SSH2: variants seen among roughly 807,000 people sequenced by gnomAD.
SSH2 encodes slingshot protein phosphatase 2, also known as protein phosphatase Slingshot homolog 2.
SSH2 carries 37 observed loss-of-function variants against 135.2 expected under a neutral mutation model. The ratio of observed to expected loss-of-function variants is 0.27; its 90% CI spans 0.21 to 0.36. SSH2 has a LOEUF of 0.36. SSH2 is among the 10% of genes least tolerant of loss of function. SSH2 has a pLI of 1.00. For synonymous variants in SSH2, 628 were observed against 646.2 expected (o/e 0.97, Z 0.43); for missense variants, 1,408 against 1,765.3 (o/e 0.80, Z 3.63).
intron 3 of SSH2, among the ~76,000 whole-genome samples, chr17:29,723,937 A>C (rs750744941): frequency 2.0e-5 from 3 of 152,206 alleles, no homozygotes; most frequent in Non-Finnish European, 4.4e-5. Flanking sequence ...ACTCCCATAC[A>C]TCTACCTTCT....
intron 3 of SSH2, among the ~76,000 whole-genome samples, chr17:29,723,960 TACAAAAGATG>T: frequency 6.6e-6 from 1 of 152,198 alleles, no homozygotes; most frequent in South Asian, 2.1e-4. Context: ...GCAAACTGAC[TACAAAAGATG>T]TGGGAAATCT....
intron 3 of SSH2, among the ~76,000 whole-genome samples, chr17:29,790,114 T>A (rs1041236233): frequency 2.0e-5 from 3 of 152,170 alleles, no homozygotes; most frequent in African/African-American, 7.2e-5. Context: ...ATTTTGTGTA[T>A]GAGAACATGA....
intron 4 of SSH2, among the ~76,000 whole-genome samples, chr17:29,699,545 T>C (rs935031104): frequency 2.0e-5 from 3 of 152,160 alleles, no homozygotes; most frequent in Admixed American, 1.3e-4. Flanking sequence ...GCTTTTCTTT[T>C]TAGTATGAGG....
chr17:29,742,294 A>C (rs1482542438), intron 3 of SSH2, among the ~76,000 whole-genome samples: 1 of 150,832 alleles, frequency 6.6e-6, no homozygotes, highest in African/African-American at 2.4e-5. Flanking sequence ...ACAAAAAAAA[A>C]ATCACTCACC....
At chr17:29,784,790 T>C (rs1192932261) in intron 3 of SSH2, among the ~76,000 whole-genome samples, 3 of 152,142 alleles carry the variant, frequency 2.0e-5, no homozygotes, top group African/African-American at 7.2e-5. Context: ...TTTCAGACTT[T>C]TGATGATATC....
In SSH2 at chr17:29,626,939, C is replaced by T. The variant is rs1469372190; in HGVS notation, c.*3902G>A. The T allele has an allele frequency of 6.6e-6, 1 of 152,228 alleles. No homozygotes were observed. Among genetic ancestry groups the T allele is most frequent in the Non-Finnish European group, 1.5e-5 (1 of 68,026 alleles). The allele number at this position is 152,228 out of a possible 1,614,324, so 9.4% of individuals were successfully genotyped here. Reference sequence around the variant, plus strand: ...CAAAATTAAACAAAATGACACTAGCCATTCACCATTACAACCATCACTATA... The same window carrying T: ...CAAAATTAAACAAAATGACACTAGCTATTCACCATTACAACCATCACTATA... On this transcript the variant is annotated 3_prime_UTR_variant, in exon 16 of 16. Transcript: ENST00000540801.
intron 1 of SSH2, among the ~76,000 whole-genome samples, chr17:29,859,466 AG>A (rs1325015068): frequency 6.6e-6 from 1 of 152,110 alleles, no homozygotes; most frequent in Non-Finnish European, 1.5e-5. Flanking sequence ...ACTCTCTGGT[AG>A]GCCCTGGTGT....
At position 29,873,527 on chromosome 17, in the gene SSH2, C is replaced by T. The variant is rs117690985; in HGVS notation, c.64-24598G>A. Among the ~76,000 whole-genome samples, 1,011 of 151,896 alleles carry T rather than the reference C, an allele frequency of 6.7e-3. 6 individuals carry two copies. The highest frequency in any genetic ancestry group is 0.011 in the Non-Finnish European group (781 of 67,976). On this transcript the variant is annotated intron_variant, in intron 1 of 15. Transcript: ENST00000540801. ...TGACCTGAGCTCGCCCTGCTGCACT[C>T]CAGCTTGGGAGACAGAGCCAGACTA... is the stretch of plus-strand genomic sequence containing the variant.
chr17:29,663,055 T>C (rs1291186535), intron 11 of SSH2, among the ~76,000 whole-genome samples: 1 of 152,234 alleles, frequency 6.6e-6, no homozygotes, highest in African/African-American at 2.4e-5. Context: ...AGAAGTGATA[T>C]GCTTGTAAGG....
chr17:29,673,826 T>C, intron 8 of SSH2: 1 of 315,060 alleles, frequency 3.2e-6, no homozygotes, highest in South Asian at 2.8e-5. Flanking sequence ...CATCAACATC[T>C]TTCCATGTCA....
chr17:29,923,119 C>T (rs2067004507), intron 1 of SSH2, among the ~76,000 whole-genome samples: 1 of 152,124 alleles, frequency 6.6e-6, no homozygotes, highest in African/African-American at 2.4e-5. Context: ...ACCATGTTGG[C>T]CAGGCTGGTC....
rs200925117 is a variant in SSH2, at chr17:29,918,938, T to TA, written c.63+10999dup. Among the ~76,000 whole-genome samples the TA allele has an allele frequency of 4.8e-3, 659 of 138,326 alleles. 2 individuals are homozygous for TA. The highest frequency in any genetic ancestry group is 0.01 in the African/African-American group (381 of 37,736). 90.7% of individuals were successfully genotyped at this position (138,326 alleles called of 152,430 possible). A position where few individuals can be genotyped will look rare whatever the true frequency, so the allele number is the denominator to read the frequency against. ...AGCGACAGAACGAGACCGTCTCAAA[T>TA]AAAAAAAAAAAAAGAATGCTGCTTT... On this transcript the variant is annotated intron_variant, in intron 1 of 15. Coordinates refer to ENST00000540801, the MANE Select transcript of SSH2 (RefSeq NM_001282129.2).
chr17:29,696,459 T>C (rs1302020363), intron 4 of SSH2, among the ~76,000 whole-genome samples: 1 of 146,198 alleles, frequency 6.8e-6, no homozygotes, highest in East Asian at 2.2e-4. Flanking sequence ...ACTGTCATTA[T>C]AATATCAGTC....
chr17:29,784,575 G>C (rs985002781), intron 3 of SSH2, among the ~76,000 whole-genome samples: 2 of 147,048 alleles, frequency 1.4e-5, no homozygotes, highest in African/African-American at 5.2e-5. Context: ...CTCCAGCCTG[G>C]GTGACAGAGC....
rs1273907636 is a variant in SSH2 at position 29,636,732 on chromosome 17, A to T, written c.1498T>A (p.Cys500Ser). Residue 500 changes from cysteine (C) to serine (S), a missense_variant, in exon 15 of 16, where the codon TGC becomes AGC. Transcript: ENST00000540801. ...SDLSDHHEPI[C>S]KPGLELNKKD... is the part of the protein sequence containing the mutation. ...TTGTTGAGTTCTAGCCCAGGTTTGC[A>T]GATGGGTTCGTGGTGGTCTGAGAGG... The T allele has an allele frequency of 6.2e-7, 1 of 1,614,072 alleles. No homozygotes were observed.
intron 1 of SSH2, among the ~76,000 whole-genome samples, chr17:29,926,897 C>A (rs2067077668): frequency 6.6e-6 from 1 of 152,132 alleles, no homozygotes. Flanking sequence ...CGAGAGCCAC[C>A]TATTAGGCAT....
At chr17:29,789,740 C>T (rs1031778987) in intron 3 of SSH2, among the ~76,000 whole-genome samples, 5 of 152,194 alleles carry the variant, frequency 3.3e-5, no homozygotes, top group Non-Finnish European at 2.9e-5. Flanking sequence ...GGTGACGCTG[C>T]CACTCAAGTG....
intron 12 of SSH2, among the ~76,000 whole-genome samples, chr17:29,655,127 G>A (rs1029221185): frequency 6.6e-6 from 1 of 151,442 alleles, no homozygotes; most frequent in African/African-American, 2.4e-5. Flanking sequence ...TTTTTGAGAT[G>A]GTGTCTCGCT....
intron 2 of SSH2, among the ~76,000 whole-genome samples, chr17:29,806,811 G>A (rs1334165521): frequency 6.6e-6 from 1 of 152,186 alleles, no homozygotes; most frequent in Non-Finnish European, 1.5e-5. Flanking sequence ...TCTTAACTGT[G>A]ATCTTAGCTT....
Sources: allele counts gnomAD v4.1 joint callset (sites outside exome capture counted in the v4.1 genomes callset), GRCh38; gene constraint gnomAD v4.1.1; transcripts MANE v1.5; gene names NCBI Gene and HGNC (gene_info 2026-07-23, HGNC 2026-07-21).